The following GALNT2 variants were observed in gnomAD, a reference collection of about 807,000 sequenced individuals.
GALNT2 encodes polypeptide N-acetylgalactosaminyltransferase 2.
Under a neutral mutation model 81.4 loss-of-function variants are expected in GALNT2, and 31 were observed. That is an observed-to-expected ratio of 0.38 (90% CI 0.29 to 0.51). The LOEUF is 0.51. Ranked by LOEUF, GALNT2 falls within the 20% of genes least tolerant of loss-of-function variation. The pLI, the probability that GALNT2 is intolerant of heterozygous loss-of-function variation, is 0.87. For missense variants in GALNT2, 629 were observed against 765.7 expected, an observed-to-expected ratio of 0.82 and a Z score of 2.11; for synonymous variants, 303 against 287.4, an observed-to-expected ratio of 1.05 and a Z score of -0.55.
chr1:230,118,446 C>A (rs541086857), intron 1 of GALNT2, among the ~76,000 whole-genome samples: 1 of 152,360 alleles, frequency 6.6e-6, no homozygotes, highest in East Asian at 1.9e-4. Context: ...CCAAAGTGTG[C>A]AAGCCTATTT....
At chr1:230,133,614 C>T (rs1470552310) in intron 1 of GALNT2, among the ~76,000 whole-genome samples, 2 of 152,216 alleles carry the variant, frequency 1.3e-5, no homozygotes, top group African/African-American at 4.8e-5. Flanking sequence ...CCACCGCGCC[C>T]AGCTAATTTT....
intron 3 of GALNT2, among the ~76,000 whole-genome samples, chr1:230,222,474 G>A (rs1664580333): frequency 6.6e-6 from 1 of 152,096 alleles, no homozygotes; most frequent in South Asian, 2.1e-4. Flanking sequence ...AAACCTACTT[G>A]TAAATGACCG....
chr1:230,134,993 G>A (rs1235606248), intron 1 of GALNT2, among the ~76,000 whole-genome samples: 1 of 152,212 alleles, frequency 6.6e-6, no homozygotes, highest in Non-Finnish European at 1.5e-5. Flanking sequence ...TAAATGAGAG[G>A]AAGTATCTGA....
At chr1:230,210,675 A>G (rs1037991067) in intron 3 of GALNT2, among the ~76,000 whole-genome samples, 3 of 152,230 alleles carry the variant, frequency 2.0e-5, no homozygotes, top group African/African-American at 4.8e-5. Flanking sequence ...AAAGAACTCT[A>G]TTTTGACCAC....
intron 6 of GALNT2, among the ~76,000 whole-genome samples, chr1:230,241,141 T>C (rs76936226): frequency 0.014 from 2,111 of 152,350 alleles, 52 homozygotes; most frequent in African/African-American, 0.049. Flanking sequence ...AACATATTTA[T>C]AATAGCTGCT....
intron 1 of GALNT2, among the ~76,000 whole-genome samples, chr1:230,114,235 C>T (rs758916294): frequency 2.1e-4 from 32 of 152,160 alleles, no homozygotes; most frequent in Non-Finnish European, 3.8e-4. Flanking sequence ...CTGGTGTTTC[C>T]GCGCCTCATT....
At chr1:230,077,678 T>A (rs937483242) in intron 1 of GALNT2, among the ~76,000 whole-genome samples, 2 of 152,206 alleles carry the variant, frequency 1.3e-5, no homozygotes, top group African/African-American at 4.8e-5. Context: ...TTGACTCAGA[T>A]GTTAGTGCCT....
At chr1:230,062,719 C>T (rs1659077550), upstream of GALNT2, among the ~76,000 whole-genome samples, 1 of 152,070 alleles carries the variant, frequency 6.6e-6, no homozygotes, top group Admixed American at 6.6e-5. Context: ...AATAATATTC[C>T]ATTGCATGGA....
intron 1 of GALNT2, among the ~76,000 whole-genome samples, chr1:230,145,234 C>G (rs1255001414): frequency 1.3e-5 from 2 of 152,158 alleles, no homozygotes; most frequent in Admixed American, 1.3e-4. Flanking sequence ...TGTTAGCAGG[C>G]AGGTTCCAGT....
intron 11 of GALNT2, among the ~76,000 whole-genome samples, chr1:230,260,320 A>G (rs1377953313): frequency 6.6e-6 from 1 of 152,114 alleles, no homozygotes; most frequent in Non-Finnish European, 1.5e-5. Flanking sequence ...TAGATACCAA[A>G]TAAATACCTG....
chr1:230,207,998 G>A (rs1039983045), intron 3 of GALNT2, among the ~76,000 whole-genome samples: 1 of 152,162 alleles, frequency 6.6e-6, no homozygotes, highest in Non-Finnish European at 1.5e-5. Flanking sequence ...AATGTGTAAT[G>A]ATCAAGTCAG....
chr1:230,061,430 AAAAT>A (rs1659044366), intron 1 of GALNT2, among the ~76,000 whole-genome samples: 1 of 152,214 alleles, frequency 6.6e-6, no homozygotes, highest in African/African-American at 2.4e-5. Context: ...CACTATGAAA[AAAAT>A]AAAGGGCTTT....
chr1:230,195,635 G>C lies in GALNT2; in HGVS notation c.221-7502G>C, dbSNP rs188276349. On this transcript the variant is annotated intron_variant, in intron 2 of 15. Coordinates refer to ENST00000366672, the MANE Select transcript of GALNT2 (RefSeq NM_004481.5). ...TGGCTAGGAAGACCAGCTTTAGTAA[G>C]AGTTCCCAGGTACACCTTCTGGGGT... Among the ~76,000 whole-genome samples, 368 of 152,268 alleles carry C rather than the reference G, an allele frequency of 2.4e-3. 4 individuals are homozygous for C. Among genetic ancestry groups the C allele is most frequent in the Non-Finnish European group, 3.9e-3 (268 of 68,006 alleles).
intron 1 of GALNT2, chr1:230,091,562 A>G (rs574182706): frequency 2.0e-5 from 3 of 152,300 alleles, no homozygotes; most frequent in Non-Finnish European, 4.4e-5. Flanking sequence ...AAATCCCAAC[A>G]TGTAATTTAT....
At chr1:230,277,046 T>C (rs1666323159) in intron 15 of GALNT2, among the ~76,000 whole-genome samples, 1 of 152,210 alleles carries the variant, frequency 6.6e-6, no homozygotes, top group South Asian at 2.1e-4. Context: ...AATTGACAGG[T>C]GTTTCTGCTT....
intron 1 of GALNT2, among the ~76,000 whole-genome samples, chr1:230,120,207 A>T (rs112919541): frequency 5.8e-4 from 88 of 152,158 alleles, no homozygotes; most frequent in African/African-American, 2.0e-3. Flanking sequence ...TACACCTGGG[A>T]TTCTCCAGGC....
intron 2 of GALNT2, among the ~76,000 whole-genome samples, chr1:230,180,548 G>C (rs1663129519): frequency 6.6e-6 from 1 of 152,028 alleles, no homozygotes; most frequent in Non-Finnish European, 1.5e-5. Context: ...AGTAGTGTTA[G>C]TCACCTTTGT....
chr1:230,235,448 C>T (rs1010410314), intron 3 of GALNT2, among the ~76,000 whole-genome samples: 1 of 152,190 alleles, frequency 6.6e-6, no homozygotes, highest in Admixed American at 6.5e-5. Context: ...TCCCCATCTT[C>T]ATCTCACCAC....
chr1:230,240,995 G>A (rs1665183421), intron 6 of GALNT2, among the ~76,000 whole-genome samples: 1 of 152,138 alleles, frequency 6.6e-6, no homozygotes, highest in African/African-American at 2.4e-5. Flanking sequence ...ACTAAGACCA[G>A]TCAGTGGATT....
Sources: allele counts gnomAD v4.1 joint callset (sites outside exome capture counted in the v4.1 genomes callset), GRCh38; gene constraint gnomAD v4.1.1; transcripts MANE v1.5; gene names NCBI Gene and HGNC (gene_info 2026-07-23, HGNC 2026-07-21).